UBE3A: variants seen among roughly 807,000 people sequenced by gnomAD.
The protein encoded by UBE3A is ubiquitin-protein ligase E3A.
A neutral mutation model predicts 83.4 loss-of-function variants in UBE3A; 6 were observed. That is an observed-to-expected ratio of 0.07 (90% CI 0.04 to 0.14). The LOEUF is 0.14. Ranked by LOEUF, UBE3A falls within the 10% of genes least tolerant of loss-of-function variation. UBE3A has a pLI of 1.00. For synonymous variants in UBE3A, 337 were observed against 355.4 expected, an observed-to-expected ratio of 0.95 and a Z score of 0.58; for missense variants, 456 against 1,036.1, an observed-to-expected ratio of 0.44 and a Z score of 7.69.
At chr15:25,367,327 TA>T (rs141567920) in intron 6 of UBE3A, among the ~76,000 whole-genome samples, 4,970 of 148,572 alleles carry the variant, frequency 0.033, 285 homozygotes, top group African/African-American at 0.12. Context: ...ATATTTATAT[TA>T]AAAATGTAAA....
At position 25,371,346 on chromosome 15, in the gene UBE3A, T is replaced by C. The variant is rs1467881884; in HGVS notation, c.828A>G (p.Arg276=). The change falls in exon 6 of 13, where the codon CGA becomes CGG. Residue 276 remains arginine (R), a synonymous_variant. Coordinates refer to ENST00000648336, the MANE Select transcript of UBE3A (RefSeq NM_130839.5). The surrounding 1 kb of genome is among the most constrained non-coding windows in gnomAD (Gnocchi z 5.3). Reference sequence around the variant, plus strand: ...TGAACAAATTCAGATAATTAGGATCTCGAGAGTATACATTGTGATACGTCA... The same window carrying C: ...TGAACAAATTCAGATAATTAGGATCCCGAGAGTATACATTGTGATACGTCA... The part of the protein sequence containing the change: ...CDLTYHNVYS[R]DPNYLNLFII... The C allele has an allele frequency of 1.9e-5, 31 of 1,614,014 alleles. No homozygotes were observed. Among genetic ancestry groups the C allele is most frequent in the Non-Finnish European group, 2.6e-5 (31 of 1,179,996 alleles).
intron 1 of UBE3A, among the ~76,000 whole-genome samples, chr15:25,430,790 T>C (rs1440456434): frequency 6.6e-6 from 1 of 152,196 alleles, no homozygotes; most frequent in Admixed American, 6.5e-5. Flanking sequence ...TAAGAAATTA[T>C]TTAATATCAG....
At chr15:25,402,926 T>C (rs1176839678) in intron 4 of UBE3A, among the ~76,000 whole-genome samples, 1 of 152,234 alleles carries the variant, frequency 6.6e-6, no homozygotes, top group Non-Finnish European at 1.5e-5. Flanking sequence ...ATCTTGCTGT[T>C]ATCTAGACCT....
rs888700536 is a variant in UBE3A at position 25,337,719 on chromosome 15, T to A, written c.*1418A>T. ...ATCAATCAATCACCAAGGCACAAGC[T>A]CAGCACATTAGCTATAGCTTGTAGC... On this transcript the variant is annotated 3_prime_UTR_variant, in exon 13 of 13. Coordinates refer to ENST00000648336, the MANE Select transcript of UBE3A (RefSeq NM_130839.5). 7.2e-5 allele frequency: 11 copies of A among 152,066 alleles called. No individual in the cohort carries two copies. Among genetic ancestry groups the A allele is most frequent in the Non-Finnish European group, 1.3e-4 (9 of 68,000 alleles). The allele number at this position is 152,066 out of a possible 1,614,324, so 9.4% of individuals were successfully genotyped here. A position where few individuals can be genotyped will look rare whatever the true frequency, so the allele number is the denominator to read the frequency against.
intron 1 of UBE3A, among the ~76,000 whole-genome samples, chr15:25,435,099 T>C (rs1341088836): frequency 6.6e-6 from 1 of 151,012 alleles, no homozygotes; most frequent in Non-Finnish European, 1.5e-5. Flanking sequence ...GCCAGAGGGT[T>C]GAACTTTTTA....
intron 4 of UBE3A, among the ~76,000 whole-genome samples, chr15:25,387,383 G>A (rs1162633268): frequency 1.3e-5 from 2 of 152,078 alleles, no homozygotes; most frequent in African/African-American, 2.4e-5. Context: ...TTAGCCACAC[G>A]TGGTGGCAGG....
At chr15:25,435,001 C>G (rs970390888) in intron 1 of UBE3A, among the ~76,000 whole-genome samples, 4 of 149,426 alleles carry the variant, frequency 2.7e-5, no homozygotes, top group Non-Finnish European at 5.9e-5. Context: ...CACACACACA[C>G]ACACACACAC....
intron 1 of UBE3A, among the ~76,000 whole-genome samples, chr15:25,424,278 C>T (rs1387133918): frequency 6.6e-6 from 1 of 152,174 alleles, no homozygotes; most frequent in African/African-American, 2.4e-5. Context: ...CTATTCACTA[C>T]ACTCTGCCTG....
chr15:25,395,174 G>A (rs1240669080), intron 4 of UBE3A, among the ~76,000 whole-genome samples: 1 of 152,142 alleles, frequency 6.6e-6, no homozygotes, highest in Non-Finnish European at 1.5e-5. Flanking sequence ...AGACAGAGAT[G>A]AGCAAGTGCG....
At position 25,337,259 on chromosome 15, in the gene UBE3A, T is replaced by C. The variant is rs1483356095; in HGVS notation, c.*1878A>G. On this transcript the variant is annotated 3_prime_UTR_variant, in exon 13 of 13. Transcript: ENST00000648336. ...TGAAGAGCACACATTTCTTCACGAA[T>C]TTATTATATAAAACGCCCTCAGAGT... The C allele has an allele frequency of 6.6e-6, 1 of 152,174 alleles. No homozygotes were observed. The highest frequency in any genetic ancestry group is 1.9e-4 in the East Asian group (1 of 5,194). The allele number at this position is 152,174 out of a possible 1,614,324, so 9.4% of individuals were successfully genotyped here.
At chr15:25,415,554 T>C (rs1294471136) in intron 1 of UBE3A, among the ~76,000 whole-genome samples, 2 of 152,162 alleles carry the variant, frequency 1.3e-5, no homozygotes, top group Non-Finnish European at 2.9e-5. Context: ...CACCCACCTA[T>C]CATGCCATGT....
intron 1 of UBE3A, among the ~76,000 whole-genome samples, chr15:25,412,521 A>ATT (rs1283081404): frequency 6.6e-6 from 1 of 152,192 alleles, no homozygotes; most frequent in Admixed American, 6.5e-5. Context: ...ATATACGACG[A>ATT]TAATTATAAT....
At chr15:25,434,584 G>A (rs975345359) in intron 1 of UBE3A, among the ~76,000 whole-genome samples, 1 of 152,100 alleles carries the variant, frequency 6.6e-6, no homozygotes, top group Admixed American at 6.5e-5. Flanking sequence ...ATCTGCAGAT[G>A]GCATTTTGTG....
chr15:25,357,431 C>T (rs2077372787), intron 7 of UBE3A: 1 of 154,228 alleles, frequency 6.5e-6, no homozygotes, highest in South Asian at 2.0e-4. Flanking sequence ...TCACTGCAAC[C>T]TCTGCCTCCT....
At chr15:25,410,377 G>A (rs1397732905) in intron 2 of UBE3A, among the ~76,000 whole-genome samples, 1 of 151,998 alleles carries the variant, frequency 6.6e-6, no homozygotes, top group Non-Finnish European at 1.5e-5. Flanking sequence ...CTGTAGTTCT[G>A]GCAAAGATAC....
At chr15:25,385,385 A>C (rs573248643) in intron 4 of UBE3A, among the ~76,000 whole-genome samples, 2 of 152,268 alleles carry the variant, frequency 1.3e-5, no homozygotes, top group East Asian at 3.9e-4. Context: ...GTCAATTAAA[A>C]CTGCAATGAT....
At chr15:25,348,653 A>G (rs2076066393) in intron 11 of UBE3A, among the ~76,000 whole-genome samples, 1 of 152,216 alleles carries the variant, frequency 6.6e-6, no homozygotes, top group Admixed American at 6.5e-5. Flanking sequence ...ATATATAAAA[A>G]TCGATTTTAT....
At chr15:25,384,123 G>A (rs77329250) in intron 4 of UBE3A, among the ~76,000 whole-genome samples, 11,107 of 152,018 alleles carry the variant, frequency 0.073, 824 homozygotes, top group East Asian at 0.42. Context: ...AAATACTTAG[G>A]GAATATTTTC....
intron 1 of UBE3A, chr15:25,413,111 T>TA: frequency 2.4e-6 from 1 of 410,316 alleles, no homozygotes; most frequent in South Asian, 1.8e-5. Flanking sequence ...AAATACAGAA[T>TA]AACAAAAACT....
Sources: gnomAD v4.1 joint callset for allele counts (sites outside exome capture counted in the v4.1 genomes callset) on GRCh38, gnomAD v4.1.1 for gene constraint, Gnocchi (gnomAD v3.1) non-coding constraint, MANE v1.5 for transcripts, NCBI Gene and HGNC (gene_info 2026-07-23, HGNC 2026-07-21) for gene names.